SLC25A27: variants seen among roughly 807,000 people sequenced by gnomAD.
SLC25A27 encodes the protein mitochondrial uncoupling protein 4.
A neutral mutation model predicts 49.1 loss-of-function variants in SLC25A27; 35 were observed. The ratio of observed to expected loss-of-function variants is 0.71; its 90% CI spans 0.54 to 0.95. The LOEUF (loss-of-function observed/expected upper bound fraction) is 0.95, where lower values mean the gene tolerates loss of function less well. Ranked by LOEUF, SLC25A27 falls within the 40% of genes least tolerant of loss-of-function variation. The pLI is 0.00. For synonymous variants in SLC25A27, 144 were observed against 136.9 expected, an observed-to-expected ratio of 1.05 and a Z score of -0.36; for missense variants, 339 against 397.1, an observed-to-expected ratio of 0.85 and a Z score of 1.24.
chr6:46,659,581 G>T (rs1315380747), intron 3 of SLC25A27, among the ~76,000 whole-genome samples: 1 of 152,088 alleles, frequency 6.6e-6, no homozygotes, highest in African/African-American at 2.4e-5. Context: ...ACGCTGGGCG[G>T]GGTGGCTCAC....
At chr6:46,672,397 T>G (rs898388975) in intron 8 of SLC25A27, among the ~76,000 whole-genome samples, 1 of 151,926 alleles carries the variant, frequency 6.6e-6, no homozygotes, top group South Asian at 2.1e-4. Context: ...TGAAGAAATA[T>G]GCATTTTTAG....
intron 3 of SLC25A27, among the ~76,000 whole-genome samples, chr6:46,662,052 C>T (rs1218768059): frequency 6.6e-6 from 1 of 152,140 alleles, no homozygotes; most frequent in Non-Finnish European, 1.5e-5. Flanking sequence ...AGGCTGACTA[C>T]ATCTATGCAG....
intron 6 of SLC25A27, among the ~76,000 whole-genome samples, chr6:46,669,131 G>T (rs1763428401): frequency 1.3e-5 from 2 of 152,076 alleles, no homozygotes; most frequent in Non-Finnish European, 2.9e-5. Flanking sequence ...CTCTGCAGTG[G>T]GCACCAAAGG....
chr6:46,665,617 C>G lies in SLC25A27; in HGVS notation c.619+731C>G, dbSNP rs911926952. Among the ~76,000 whole-genome samples, 77 of 152,068 alleles carry G rather than the reference C, an allele frequency of 5.1e-4. 1 individual carries two copies. The highest frequency in any genetic ancestry group is 1.9e-4 in the Non-Finnish European group (13 of 68,002). ...AGGAGAATGGCGTGAACCCGGGAGG[C>G]GAAGCTTGCAGTGAGCTGAGATCGC... is the stretch of plus-strand genomic sequence containing the variant. On this transcript the variant is annotated intron_variant, in intron 5 of 8. Coordinates refer to ENST00000371347, the MANE Select transcript of SLC25A27 (RefSeq NM_004277.5).
At chr6:46,666,339 T>C (rs1306036800) in intron 5 of SLC25A27, among the ~76,000 whole-genome samples, 5 of 152,228 alleles carry the variant, frequency 3.3e-5, no homozygotes, top group African/African-American at 1.2e-4. Context: ...GACTGTGTTT[T>C]ATTCATCTTT....
At chr6:46,672,256 G>A (rs1481070216) in intron 8 of SLC25A27, among the ~76,000 whole-genome samples, 1 of 152,048 alleles carries the variant, frequency 6.6e-6, no homozygotes, top group Non-Finnish European at 1.5e-5. Context: ...CAGAGAGCAG[G>A]GTGAGTTCAA....
chr6:46,673,738 T>C (rs947549605), intron 8 of SLC25A27, among the ~76,000 whole-genome samples: 7 of 152,158 alleles, frequency 4.6e-5, no homozygotes, highest in South Asian at 2.1e-4. Flanking sequence ...GGGAAGAACC[T>C]TGTGGGCCAA....
chr6:46,655,279 G>A (rs1404337094), intron 1 of SLC25A27, among the ~76,000 whole-genome samples: 6 of 152,092 alleles, frequency 3.9e-5, no homozygotes, highest in Non-Finnish European at 7.4e-5. Flanking sequence ...ATCTGCATGT[G>A]AACATCACCC....
intron 6 of SLC25A27, among the ~76,000 whole-genome samples, chr6:46,669,521 A>G (rs1763443180): frequency 6.6e-6 from 1 of 152,208 alleles, no homozygotes; most frequent in Non-Finnish European, 1.5e-5. Flanking sequence ...GATGACCCTA[A>G]AAGTAGACAA....
Position 46,664,752 on chromosome 6 carries a change from A to G in SLC25A27, c.507-22A>G, listed in dbSNP as rs1021303385. Reference sequence around the variant, plus strand: ...ACACAGGAATACATGGAGTTTTCACATTTAATTATTATTCTCCTTAGATTT... The same window carrying G: ...ACACAGGAATACATGGAGTTTTCACGTTTAATTATTATTCTCCTTAGATTT... On this transcript the variant is annotated intron_variant, in intron 4 of 8. Transcript: ENST00000371347. 8.5e-6 allele frequency: 12 copies of G among 1,408,014 alleles called. No individual in the cohort carries two copies. The African/African-American group carries it at 1.7e-4, about 20-fold the overall frequency. The allele number at this position is 1,408,014 out of a possible 1,614,324, so 87.2% of individuals were successfully genotyped here. A position where few individuals can be genotyped will look rare whatever the true frequency, so the allele number is the denominator to read the frequency against.
chr6:46,671,419 G>T (rs1025602936), intron 8 of SLC25A27, among the ~76,000 whole-genome samples, 191 bp downstream of exon 8: 1 of 151,876 alleles, frequency 6.6e-6, no homozygotes, highest in Non-Finnish European at 1.5e-5. Flanking sequence ...TTCTGTGGTA[G>T]AGTAAGGTAA....
chr6:46,655,962 C>G lies in SLC25A27; in HGVS notation c.226C>G (p.Leu76Val), dbSNP rs1762965108. 3.7e-6 allele frequency: 6 copies of G among 1,613,454 alleles called. No homozygotes were observed. Among genetic ancestry groups the G allele is most frequent in the Non-Finnish European group, 5.1e-6 (6 of 1,179,762 alleles). The change falls in exon 2 of 9, where the codon CTA becomes GTA. Residue 76 changes from leucine (L) to valine (V), a missense_variant. Physicochemically the swap from Leu to Val is conservative, Grantham distance 32. Coordinates refer to ENST00000371347, the MANE Select transcript of SLC25A27 (RefSeq NM_004277.5). Reference protein sequence around the residue: ...APYRGMVRTALGIIEEEGFLK... With the variant: ...APYRGMVRTAVGIIEEEGFLK... ...CTATAGGGGAATGGTGCGCACAGCT[C>G]TAGGGATCATTGAAGAGGAAGGCTT...
intron 3 of SLC25A27, among the ~76,000 whole-genome samples, chr6:46,659,293 C>G (rs1430910548): frequency 6.6e-6 from 1 of 152,006 alleles, no homozygotes. Flanking sequence ...TATAGAGTAC[C>G]TTTTTATTCC....
intron 2 of SLC25A27, among the ~76,000 whole-genome samples, chr6:46,657,548 A>G (rs1347991767): frequency 6.6e-6 from 1 of 152,182 alleles, no homozygotes; most frequent in East Asian, 1.9e-4. Context: ...ATAAATCTCA[A>G]TGGTAGAGAT....
intron 8 of SLC25A27, among the ~76,000 whole-genome samples, chr6:46,673,303 CTT>C (rs1423053108): frequency 1.3e-5 from 2 of 152,212 alleles, no homozygotes; most frequent in Non-Finnish European, 2.9e-5. Context: ...TCATATCCCT[CTT>C]TTATAGAGAA....
intron 5 of SLC25A27, among the ~76,000 whole-genome samples, chr6:46,666,465 G>T (rs182671854): frequency 1.1e-3 from 166 of 152,250 alleles, no homozygotes; most frequent in Non-Finnish European, 1.9e-3. Context: ...ATGTTTGAGG[G>T]TTCTAGAAAT....
chr6:46,669,603 C>T (rs983555700), intron 6 of SLC25A27, among the ~76,000 whole-genome samples: 4 of 152,086 alleles, frequency 2.6e-5, no homozygotes, highest in Non-Finnish European at 5.9e-5. Context: ...CATGCACACA[C>T]GCATGTGAAT....
At chr6:46,675,461 C>T (rs1763739906) in intron 8 of SLC25A27, among the ~76,000 whole-genome samples, 1 of 152,176 alleles carries the variant, frequency 6.6e-6, no homozygotes, top group Non-Finnish European at 1.5e-5. Context: ...CCTAAATCCA[C>T]TATTTAGTGA....
chr6:46,667,800 CT>C (rs1398661150), intron 5 of SLC25A27, among the ~76,000 whole-genome samples: 1 of 152,204 alleles, frequency 6.6e-6, no homozygotes, highest in Non-Finnish European at 1.5e-5. Flanking sequence ...AGGGCATTTA[CT>C]TCAAGAGCAA....
Sources: gnomAD v4.1 joint callset for allele counts (sites outside exome capture counted in the v4.1 genomes callset) on GRCh38, gnomAD v4.1.1 for gene constraint, MANE v1.5 for transcripts, NCBI Gene and HGNC (gene_info 2026-07-23, HGNC 2026-07-21) for gene names.